The following RSU1 variants were observed in gnomAD, a reference collection of about 807,000 sequenced individuals.
The protein encoded by RSU1 is Ras suppressor protein 1.
A neutral mutation model predicts 31.1 loss-of-function variants in RSU1; 26 were observed. The ratio of observed to expected loss-of-function variants is 0.84; its 90% CI spans 0.61 to 1.16. RSU1 has a LOEUF of 1.16. Among genes scored for constraint, RSU1 ranks in the 50% most tolerant of loss-of-function variants. The pLI, the probability that RSU1 is intolerant of heterozygous loss-of-function variation, is 0.00. For synonymous variants in RSU1, 164 were observed against 136.3 expected (o/e 1.20, Z -1.41); for missense variants, 320 against 339.1 (o/e 0.94, Z 0.44).
rs556591827 is a variant in RSU1 at position 16,779,020 on chromosome 10, G to C, written c.160+3014C>G. Among the ~76,000 whole-genome samples, 5 of 152,306 alleles carry C rather than the reference G, an allele frequency of 3.3e-5. No individual in the cohort carries two copies. The South Asian group carries it at 1.0e-3, about 32-fold the overall frequency. ...TGCCAATGACTTTGTTGCATTCAAAGTTAGTACCTGCCCATTCATAGCAAA... is the reference window on the plus strand; with the variant it reads ...TGCCAATGACTTTGTTGCATTCAAACTTAGTACCTGCCCATTCATAGCAAA... On this transcript the variant is annotated intron_variant, in intron 3 of 8. Transcript: ENST00000345264.
At position 16,789,411 on chromosome 10, in the gene RSU1, G is replaced by A. The variant is rs888317455; in HGVS notation, c.110-7327C>T. The stretch of plus-strand genomic sequence containing the variant: ...TTAGGGCAACAAAGGACTCCAGGTC[G>A]GGTCTGCAGGGAAGGCAGTGAAGCT... On this transcript the variant is annotated intron_variant, in intron 2 of 8. Transcript: ENST00000345264. Among the ~76,000 whole-genome samples, 25 of 152,250 alleles carry A rather than the reference G, an allele frequency of 1.6e-4. No individual in the cohort carries two copies. In the Middle Eastern group the frequency reaches 0.01, roughly 62 times the overall value.
At chr10:16,773,062 T>C (rs567457453) in intron 3 of RSU1, among the ~76,000 whole-genome samples, 2 of 152,126 alleles carry the variant, frequency 1.3e-5, no homozygotes, top group East Asian at 3.9e-4. Context: ...TAGCTTTGCA[T>C]GGTGGTGCAT....
At chr10:16,661,695 G>A (rs1834894096) in intron 8 of RSU1, among the ~76,000 whole-genome samples, 1 of 152,126 alleles carries the variant, frequency 6.6e-6, no homozygotes, top group Non-Finnish European at 1.5e-5. Context: ...TGAGGGGGTA[G>A]CCCCTTTGAA....
At chr10:16,609,229 A>T (rs1433426005) in intron 8 of RSU1, among the ~76,000 whole-genome samples, 1 of 152,192 alleles carries the variant, frequency 6.6e-6, no homozygotes, top group Non-Finnish European at 1.5e-5. Flanking sequence ...TCTATGATCT[A>T]TGAGAAGATT....
rs1837229414 is a variant in RSU1, at chr10:16,762,496, G to A, written c.281+1894C>T. Among the ~76,000 whole-genome samples, 5 of 149,200 alleles carry A rather than the reference G, an allele frequency of 3.4e-5. No individual in the cohort carries two copies. In the South Asian group the frequency reaches 1.1e-3, roughly 32 times the overall value. On this transcript the variant is annotated intron_variant, in intron 4 of 8. Transcript: ENST00000345264. Reference sequence around the variant, plus strand: ...TCTGCTTTGCCAGATGGGTATACAGGCTCCAAATTTGTAGGGAGAAAAAAA... The same window carrying A: ...TCTGCTTTGCCAGATGGGTATACAGACTCCAAATTTGTAGGGAGAAAAAAA...
chr10:16,620,930 T>C (rs1834058755), intron 8 of RSU1, among the ~76,000 whole-genome samples: 1 of 152,018 alleles, frequency 6.6e-6, no homozygotes, highest in Non-Finnish European at 1.5e-5. Context: ...TGAACAACAA[T>C]GCAAACTGGG....
chr10:16,752,501 T>A, intron 7 of RSU1, 38 bp downstream of exon 7: 1 of 1,474,820 alleles, frequency 6.8e-7, no homozygotes, highest in South Asian at 1.1e-5. Context: ...TTGTTATTCA[T>A]GAAACCCAGA....
intron 8 of RSU1, among the ~76,000 whole-genome samples, chr10:16,664,676 TA>T (rs1452021896): frequency 6.6e-6 from 1 of 152,194 alleles, no homozygotes; most frequent in African/African-American, 2.4e-5. Context: ...TAAACTAGAT[TA>T]TCTGAGACTT....
At chr10:16,700,510 C>T (rs1049571367) in intron 7 of RSU1, among the ~76,000 whole-genome samples, 5 of 152,076 alleles carry the variant, frequency 3.3e-5, no homozygotes, top group South Asian at 2.1e-4. Context: ...CAAATGACTC[C>T]GATACAAAAT....
At chr10:16,803,750 C>T (rs1438438471) in intron 2 of RSU1, among the ~76,000 whole-genome samples, 4 of 152,144 alleles carry the variant, frequency 2.6e-5, no homozygotes, top group Admixed American at 1.3e-4. Context: ...TTTCAACAAA[C>T]GGTGCTGAAA....
intron 2 of RSU1, among the ~76,000 whole-genome samples, chr10:16,784,292 G>C (rs577357302): frequency 3.3e-5 from 5 of 151,468 alleles, no homozygotes; most frequent in African/African-American, 1.2e-4. Flanking sequence ...TTTAGAAATG[G>C]GTTCTCATTC....
chr10:16,704,701 T>C lies in RSU1; in HGVS notation c.599-9546A>G, dbSNP rs544759468. Among the ~76,000 whole-genome samples the C allele has an allele frequency of 5.3e-5, 8 of 152,358 alleles. No individual in the cohort carries two copies. The East Asian group carries it at 1.5e-3, about 29-fold the overall frequency. On this transcript the variant is annotated intron_variant, in intron 7 of 8. Coordinates refer to ENST00000345264, the MANE Select transcript of RSU1 (RefSeq NM_012425.4). ...TACCTGCAGAAATTTTATTTTTAAA[T>C]TAAAACACCCTAGTGGGGTAATGCA...
chr10:16,633,674 C>T (rs889263543), intron 8 of RSU1, among the ~76,000 whole-genome samples: 5 of 152,128 alleles, frequency 3.3e-5, no homozygotes, highest in Non-Finnish European at 7.4e-5. Flanking sequence ...TCAGGGAGGC[C>T]GTGAAAAGGA....
intron 7 of RSU1, among the ~76,000 whole-genome samples, chr10:16,735,941 G>A (rs1232226129): frequency 6.6e-6 from 1 of 152,116 alleles, no homozygotes; most frequent in Non-Finnish European, 1.5e-5. Flanking sequence ...ATGCATGAGG[G>A]AAGGAAAATG....
chr10:16,763,453 A>G (rs980532308), intron 4 of RSU1, among the ~76,000 whole-genome samples: 9 of 152,168 alleles, frequency 5.9e-5, no homozygotes, highest in Non-Finnish European at 7.3e-5. Context: ...TTAAACAACC[A>G]GGTCTCACAG....
chr10:16,672,289 G>A (rs368622281), intron 8 of RSU1, among the ~76,000 whole-genome samples: 164 of 151,968 alleles, frequency 1.1e-3, no homozygotes, highest in African/African-American at 3.8e-3. Context: ...CAGCCTGGGC[G>A]ACAGGGCAAG....
chr10:16,590,611 T>G lies in RSU1; in HGVS notation c.*2783A>C, dbSNP rs947764606. 8 of 152,220 alleles carry G rather than the reference T, an allele frequency of 5.3e-5. No individual in the cohort carries two copies. Among genetic ancestry groups the G allele is most frequent in the Non-Finnish European group, 7.3e-5 (5 of 68,036 alleles). 9.4% of individuals were successfully genotyped at this position (152,220 alleles called of 1,614,324 possible). A position where few individuals can be genotyped will look rare whatever the true frequency, so the allele number is the denominator to read the frequency against. ...TGCATAATATACCATGACATACCAA[T>G]TTGATTTTGAAAAATACATGCATTT... On this transcript the variant is annotated 3_prime_UTR_variant, in exon 9 of 9. Coordinates refer to ENST00000345264, the MANE Select transcript of RSU1 (RefSeq NM_012425.4).
At chr10:16,783,402 T>C (rs1302708788) in intron 2 of RSU1, among the ~76,000 whole-genome samples, 1 of 147,060 alleles carries the variant, frequency 6.8e-6, no homozygotes, top group Non-Finnish European at 1.5e-5. Context: ...TGTCACCAGT[T>C]TGGAATACAG....
At chr10:16,783,338 A>G (rs911764926) in intron 2 of RSU1, among the ~76,000 whole-genome samples, 6 of 150,114 alleles carry the variant, frequency 4.0e-5, no homozygotes, top group African/African-American at 1.5e-4. Context: ...GAAAATATGC[A>G]TCACTTCTAC....
Sources: gnomAD v4.1 joint callset for allele counts (sites outside exome capture counted in the v4.1 genomes callset) on GRCh38, gnomAD v4.1.1 for gene constraint, MANE v1.5 for transcripts, NCBI Gene and HGNC (gene_info 2026-07-23, HGNC 2026-07-21) for gene names.